Variants in MDFIC observed in about 807,000 individuals in gnomAD.
MDFIC encodes myoD family inhibitor domain-containing protein.
Under a neutral mutation model 23.2 loss-of-function variants are expected in MDFIC, and 17 were observed. The observed-to-expected ratio is 0.73, with a 90% CI of 0.50 to 1.10. The LOEUF is 1.10. Ranked by LOEUF, MDFIC falls within the 50% of genes least tolerant of loss-of-function variation. The pLI is 0.00. For missense variants in MDFIC, 356 were observed against 316.6 expected (o/e 1.12, Z -0.95); for synonymous variants, 120 against 115.2 (o/e 1.04, Z -0.27).
intron 2 of MDFIC, among the ~76,000 whole-genome samples, chr7:114,940,044 T>C (rs937421688): frequency 2.6e-5 from 4 of 152,126 alleles, no homozygotes; most frequent in Non-Finnish European, 5.9e-5. Flanking sequence ...TAAAAAGATT[T>C]CTGGAGTTGT....
intron 2 of MDFIC, among the ~76,000 whole-genome samples, chr7:114,941,567 A>T (rs1402204447): frequency 6.6e-6 from 1 of 152,026 alleles, no homozygotes; most frequent in African/African-American, 2.4e-5. Flanking sequence ...CTGAATCCTG[A>T]TGAGTATTTT....
intron 3 of MDFIC, among the ~76,000 whole-genome samples, chr7:114,942,852 C>T (rs1792572447): frequency 6.6e-6 from 1 of 152,012 alleles, no homozygotes; most frequent in African/African-American, 2.4e-5. Context: ...ATTCTTCTTC[C>T]TAAAATTGCA....
intron 3 of MDFIC, among the ~76,000 whole-genome samples, chr7:114,955,159 G>T (rs1410478814): frequency 6.6e-6 from 1 of 152,124 alleles, no homozygotes; most frequent in East Asian, 1.9e-4. Flanking sequence ...AATGTCTGCT[G>T]GCTCTAAGTT....
chr7:114,982,590 G>T (rs181034640), intron 4 of MDFIC, among the ~76,000 whole-genome samples: 2 of 152,110 alleles, frequency 1.3e-5, no homozygotes, highest in Non-Finnish European at 2.9e-5. Flanking sequence ...AACTACTCAG[G>T]AGGCTGAGGT....
At chr7:115,010,666 A>G (rs1468494482) in intron 4 of MDFIC, among the ~76,000 whole-genome samples, 1 of 152,180 alleles carries the variant, frequency 6.6e-6, no homozygotes, top group East Asian at 1.9e-4. Context: ...AGTAAATTAT[A>G]AAGGACTTTG....
Position 115,019,335 on chromosome 7 carries a change from T to C in MDFIC, c.*3400T>C, listed in dbSNP as rs1303312246. On this transcript the variant is annotated 3_prime_UTR_variant, in exon 5 of 5. Transcript: ENST00000393486. The stretch of plus-strand genomic sequence containing the variant: ...ATTATTTTTTCATTTTTACAGTGTA[T>C]CAACTGTATCCATTTTCCTCACCTG... The C allele has an allele frequency of 6.6e-6, 1 of 152,076 alleles. No individual in the cohort carries two copies. Among genetic ancestry groups the C allele is most frequent in the African/African-American group, 2.4e-5 (1 of 41,440 alleles). 9.4% of individuals were successfully genotyped at this position (152,076 alleles called of 1,614,324 possible).
At chr7:114,934,572 T>C (rs1346319737) in intron 2 of MDFIC, among the ~76,000 whole-genome samples, 1 of 152,184 alleles carries the variant, frequency 6.6e-6, no homozygotes, top group Non-Finnish European at 1.5e-5. Flanking sequence ...CACCATTCTT[T>C]TGGGTCTAAA....
intron 4 of MDFIC, among the ~76,000 whole-genome samples, chr7:114,991,842 TG>T (rs1791172963): frequency 6.6e-6 from 1 of 152,232 alleles, no homozygotes; most frequent in African/African-American, 2.4e-5. Context: ...GGCTCTTTTT[TG>T]GTTCCATATG....
intron 4 of MDFIC, among the ~76,000 whole-genome samples, chr7:114,980,973 G>A (rs1793407519): frequency 1.3e-5 from 2 of 152,178 alleles, no homozygotes; most frequent in African/African-American, 4.8e-5. Flanking sequence ...CCAGGTCAGT[G>A]ACACTACTTT....
intron 2 of MDFIC, among the ~76,000 whole-genome samples, chr7:114,929,219 G>A (rs1792261302): frequency 6.6e-6 from 1 of 151,230 alleles, no homozygotes; most frequent in Admixed American, 6.6e-5. Context: ...CGATTCTTCT[G>A]CCTCAGCCTC....
chr7:114,971,147 A>G (rs1438130364), intron 3 of MDFIC, among the ~76,000 whole-genome samples: 4 of 152,222 alleles, frequency 2.6e-5, no homozygotes, highest in Non-Finnish European at 5.9e-5. Context: ...TGAAGGCCAT[A>G]AAAAGTCTAA....
intron 2 of MDFIC, chr7:114,923,514 C>G: frequency 6.5e-7 from 1 of 1,537,596 alleles, no homozygotes; most frequent in South Asian, 1.2e-5. Context: ...TGCACTTACT[C>G]CATTTCATCT....
At chr7:114,927,516 C>T (rs1036556316) in intron 2 of MDFIC, among the ~76,000 whole-genome samples, 2 of 151,808 alleles carry the variant, frequency 1.3e-5, no homozygotes, top group East Asian at 1.9e-4. Context: ...TATTTATTTT[C>T]ATAATTATAT....
intron 4 of MDFIC, among the ~76,000 whole-genome samples, chr7:115,008,716 G>A (rs542063352): frequency 3.9e-5 from 6 of 152,202 alleles, no homozygotes; most frequent in Admixed American, 1.3e-4. Flanking sequence ...CCCCAGAGAT[G>A]TCTGTGTCTG....
intron 3 of MDFIC, among the ~76,000 whole-genome samples, chr7:114,977,958 C>T (rs557525068): frequency 9.5e-4 from 140 of 146,680 alleles, no homozygotes; most frequent in Middle Eastern, 3.7e-3. Context: ...ATTACATAAT[C>T]AACATAATTA....
At chr7:115,013,884 C>T in intron 4 of MDFIC, 1 of 621,342 alleles carries the variant, frequency 1.6e-6, no homozygotes, top group Non-Finnish European at 2.0e-6. Context: ...TTAGAGATCC[C>T]CTGAAATGAT....
intron 2 of MDFIC, among the ~76,000 whole-genome samples, chr7:114,938,038 C>G (rs1792462135): frequency 6.6e-6 from 1 of 152,144 alleles, no homozygotes. Context: ...TCACTGCAAC[C>G]TCTGTCTTCC....
chr7:114,955,266 T>G (rs1276184823), intron 3 of MDFIC, among the ~76,000 whole-genome samples: 1 of 152,212 alleles, frequency 6.6e-6, no homozygotes, highest in Non-Finnish European at 1.5e-5. Context: ...ATTGATTTTT[T>G]TCTCTACTAC....
intron 4 of MDFIC, among the ~76,000 whole-genome samples, chr7:115,004,779 G>A (rs901724877): frequency 4.0e-5 from 6 of 151,892 alleles, no homozygotes; most frequent in Admixed American, 3.9e-4. Context: ...AGTCTTTTGT[G>A]GCTAATTCCA....
Sources: allele counts gnomAD v4.1 joint callset (sites outside exome capture counted in the v4.1 genomes callset), GRCh38; gene constraint gnomAD v4.1.1; transcripts MANE v1.5; gene names NCBI Gene and HGNC (gene_info 2026-07-23, HGNC 2026-07-21).